The following LINC02747 variants were observed in gnomAD, a reference collection of about 807,000 sequenced individuals.
LINC02747 encodes CCND1-upstream intergenic DNA repair 2.
At chr11:69,479,344 T>TA (rs1857027318) in intron 1 of LINC02747, among the ~76,000 whole-genome samples, 1 of 140,158 alleles carries the variant, frequency 7.1e-6, no homozygotes, top group South Asian at 2.4e-4. Flanking sequence ...TGGAAGAACA[T>TA]AAAAAAGACC....
At chr11:69,479,430 TTC>T (rs1047002603) in intron 1 of LINC02747, among the ~76,000 whole-genome samples, 15 of 152,274 alleles carry the variant, frequency 9.9e-5, no homozygotes, top group Admixed American at 9.1e-4. Context: ...GCCCTAACTC[TTC>T]TCTGTTTTCT....
chr11:69,476,589 C>G (rs1856997650), exon 2 of LINC02747: 1 of 152,170 alleles, frequency 6.6e-6, no homozygotes, highest in African/African-American at 2.4e-5. Context: ...CCCCAGCCCG[C>G]TGGGGTGGGC....
intron 1 of LINC02747, chr11:69,479,568 C>T (rs1410636161): frequency 1.3e-5 from 2 of 152,228 alleles, no homozygotes; most frequent in Non-Finnish European, 2.9e-5. Context: ...GCCAGCTTCT[C>T]TAGTGTGGCA....
intron 1 of LINC02747, among the ~76,000 whole-genome samples, chr11:69,477,829 CA>C (rs1216036549): frequency 6.6e-6 from 1 of 152,110 alleles, no homozygotes; most frequent in Non-Finnish European, 1.5e-5. Context: ...GTGGGAACAG[CA>C]GGGCAGCTAC....
chr11:69,476,777 C>A (rs1057391501), exon 2 of LINC02747: 12 of 152,222 alleles, frequency 7.9e-5, no homozygotes, highest in Non-Finnish European at 4.4e-5. Flanking sequence ...CCTCTAGGGT[C>A]ATTAATATGG....
chr11:69,475,723 CGACAGAGAGCAGA>C (rs1258624739), exon 2 of LINC02747: 69 of 152,252 alleles, frequency 4.5e-4, no homozygotes, highest in African/African-American at 1.6e-3. Context: ...GGTCCTCGTG[CGACAGAGAGCAGA>C]GACAGAGCCG....
chr11:69,478,142 G>A (rs1857013268), intron 1 of LINC02747, among the ~76,000 whole-genome samples: 1 of 152,166 alleles, frequency 6.6e-6, no homozygotes, highest in Non-Finnish European at 1.5e-5. Context: ...AAAACAGACC[G>A]GGGGTGAGGC....
At chr11:69,475,750 C>A (rs538893676) in exon 2 of LINC02747, 69 of 152,324 alleles carry the variant, frequency 4.5e-4, no homozygotes, top group African/African-American at 1.6e-3. Flanking sequence ...AGAGCCGGTT[C>A]TCTGGGCCTC....
intron 1 of LINC02747, among the ~76,000 whole-genome samples, chr11:69,479,477 G>A (rs769844596): frequency 6.6e-6 from 1 of 152,108 alleles, no homozygotes; most frequent in African/African-American, 2.4e-5. Flanking sequence ...TTATTCTCAT[G>A]AGCAGAAAAA....
chr11:69,476,461 T>C (rs2134959910), exon 2 of LINC02747: 1 of 152,254 alleles, frequency 6.6e-6, no homozygotes, highest in South Asian at 2.1e-4. Context: ...TTCACTGATC[T>C]AATCAATATC....
chr11:69,479,254 C>T (rs1420785262), intron 1 of LINC02747, among the ~76,000 whole-genome samples: 1 of 47,538 alleles, frequency 2.1e-5, no homozygotes, highest in Non-Finnish European at 4.1e-5. Flanking sequence ...GACTCTGTCT[C>T]AAAAAAAAAA....
At chr11:69,480,289 G>C (rs1316086844) in intron 1 of LINC02747, among the ~76,000 whole-genome samples, 1 of 152,178 alleles carries the variant, frequency 6.6e-6, no homozygotes, top group Non-Finnish European at 1.5e-5. Context: ...CTGCAGGCCT[G>C]ACCCTGAGCA....
exon 2 of LINC02747, chr11:69,476,622 G>A (rs1856997957): frequency 6.6e-6 from 1 of 152,160 alleles, no homozygotes; most frequent in African/African-American, 2.4e-5. Flanking sequence ...GCCCATCTCT[G>A]ACGTGGACCC....
exon 2 of LINC02747, chr11:69,475,980 G>C (rs1001453981): frequency 2.0e-5 from 3 of 152,216 alleles, no homozygotes; most frequent in African/African-American, 7.2e-5. Context: ...GCACACCCTG[G>C]AGAGCGTGCA....
chr11:69,477,888 A>G (rs1171935172), intron 1 of LINC02747, among the ~76,000 whole-genome samples: 1 of 152,132 alleles, frequency 6.6e-6, no homozygotes, highest in Middle Eastern at 3.2e-3. Context: ...ATGAAAATGC[A>G]AGACCCTCCT....
At chr11:69,480,210 C>T (rs1450696723) in intron 1 of LINC02747, among the ~76,000 whole-genome samples, 2 of 152,256 alleles carry the variant, frequency 1.3e-5, no homozygotes, top group Middle Eastern at 3.4e-3. Flanking sequence ...GGTGACATGG[C>T]GAGCCTGGGC....
At chr11:69,476,715 A>T (rs528160529) in exon 2 of LINC02747, 1 of 152,308 alleles carries the variant, frequency 6.6e-6, no homozygotes, top group Admixed American at 6.5e-5. Context: ...AAATTAGGCC[A>T]GAGCCCCCGG....
exon 2 of LINC02747, chr11:69,475,663 A>T (rs1215245902): frequency 1.3e-5 from 2 of 152,254 alleles, no homozygotes; most frequent in East Asian, 3.8e-4. Context: ...CTCCACGACC[A>T]AGTCACTGGC....
chr11:69,478,595 C>A (rs980737719), intron 1 of LINC02747, among the ~76,000 whole-genome samples: 3 of 152,202 alleles, frequency 2.0e-5, no homozygotes, highest in African/African-American at 7.2e-5. Context: ...GTAATCCCAG[C>A]ACTTTGGGAG....
Sources: allele counts gnomAD v4.1 joint callset (sites outside exome capture counted in the v4.1 genomes callset), GRCh38; gene constraint gnomAD v4.1.1; transcripts MANE v1.5; gene names NCBI Gene and HGNC (gene_info 2026-07-23, HGNC 2026-07-21).